CTR9: variants seen among roughly 807,000 people sequenced by gnomAD.
CTR9 encodes CTR9 component of Paf1/RNA polymerase II complex.
CTR9 carries 41 observed loss-of-function variants against 152.1 expected under a neutral mutation model. The ratio of observed to expected loss-of-function variants is 0.27; its 90% CI spans 0.21 to 0.35. The LOEUF is 0.35. Among genes scored for constraint, CTR9 ranks in the 10% least tolerant of loss-of-function variants. The pLI is 1.00. For synonymous variants in CTR9, 476 were observed against 496.2 expected (o/e 0.96, Z 0.54); for missense variants, 917 against 1,424.4 (o/e 0.64, Z 5.73).
chr11:10,758,359 G>T (rs1862919986), intron 5 of CTR9, among the ~76,000 whole-genome samples: 1 of 152,120 alleles, frequency 6.6e-6, no homozygotes, highest in South Asian at 2.1e-4. Context: ...CAGGTCAGAG[G>T]TGATTGTGGC....
chr11:10,768,101 G>T lies in CTR9; in HGVS notation c.1900G>T (p.Ala634Ser). The change falls in exon 15 of 25, where the codon GCC becomes TCC. Residue 634 changes from alanine to serine, a missense_variant. Ala to Ser is a moderately conservative substitution (Grantham distance 99). Coordinates refer to ENST00000361367, the MANE Select transcript of CTR9 (RefSeq NM_014633.5). ...AAAGCGTCATCAAGATCGTGCTCTG[G>T]CCATCTACAAACAAGTACTCAGAAA... ...KEKRHQDRAL[A>S]IYKQVLRNDA... 6.2e-7 allele frequency: 1 copy of T among 1,613,962 alleles called. No individual in the cohort carries two copies.
chr11:10,766,224 T>A (rs948422955), intron 12 of CTR9, 178 bp from the exon 13 acceptor site: 2 of 590,174 alleles, frequency 3.4e-6, no homozygotes, highest in African/African-American at 3.8e-5. Flanking sequence ...GTCTAGATGG[T>A]GACAAAATTA....
At chr11:10,775,966 C>T (rs968836614) in intron 24 of CTR9, among the ~76,000 whole-genome samples, 3 of 152,186 alleles carry the variant, frequency 2.0e-5, no homozygotes, top group Admixed American at 2.0e-4. Context: ...TAGATGACAT[C>T]CTTCTAAATG....
Position 10,755,659 on chromosome 11 carries a change from A to T in CTR9, c.385-19A>T. The T allele has an allele frequency of 6.6e-7, 1 of 1,511,688 alleles. No homozygotes were observed. The allele number at this position is 1,511,688 out of a possible 1,614,324, so 93.6% of individuals were successfully genotyped here. A position where few individuals can be genotyped will look rare whatever the true frequency, so the allele number is the denominator to read the frequency against. ...ATGGTATATAGGGGTAAAATCTAAG[A>T]TAATACATTACTTCATAGAACCATT... is the stretch of plus-strand genomic sequence containing the variant. On this transcript the variant is annotated intron_variant, in intron 3 of 24. Transcript: ENST00000361367.
At chr11:10,766,081 G>A (rs1863055129) in intron 12 of CTR9, among the ~76,000 whole-genome samples, 1 of 152,182 alleles carries the variant, frequency 6.6e-6, no homozygotes, top group South Asian at 2.1e-4. Context: ...TGACAATGGT[G>A]TGCATTGGAG....
At chr11:10,752,177 C>G (rs750414234) in intron 1 of CTR9, among the ~76,000 whole-genome samples, 1 of 152,204 alleles carries the variant, frequency 6.6e-6, no homozygotes, top group Non-Finnish European at 1.5e-5. Flanking sequence ...GTCATTACCT[C>G]TAATTCCAGG....
intron 9 of CTR9, 41 bp downstream of exon 9, chr11:10,763,920 T>G: frequency 6.7e-7 from 1 of 1,494,462 alleles, no homozygotes; most frequent in South Asian, 1.2e-5. Context: ...TTCTGTTAGC[T>G]GTCCCAAAAC....
chr11:10,778,984 C>T lies in CTR9; in HGVS notation c.3401C>T (p.Ser1134Leu), dbSNP rs747898514. 25 of 1,613,948 alleles carry T rather than the reference C, an allele frequency of 1.5e-5. No individual in the cohort carries two copies. Among genetic ancestry groups the T allele is most frequent in the Middle Eastern group, 1.6e-4 (1 of 6,084 alleles). Reference protein sequence around the residue: ...ASPSAESDHESERGSDNEGSG... With the variant: ...ASPSAESDHELERGSDNEGSG... ...CCAAGTGCCGAATCAGATCACGAATCGGAGAGAGGATCTGATAATGAGGGT... is the reference window on the plus strand; with the variant it reads ...CCAAGTGCCGAATCAGATCACGAATTGGAGAGAGGATCTGATAATGAGGGT... The change falls in exon 25 of 25, where the codon TCG (serine) becomes TTG (leucine). Residue 1134 changes from serine to leucine, a missense_variant. Ser to Leu is a moderately radical substitution (Grantham distance 145, BLOSUM62 -2). This residue lies in a region of CTR9 where 384 missense variants were observed against 398.4 expected (regional missense o/e 0.96). Coordinates refer to ENST00000361367, the MANE Select transcript of CTR9 (RefSeq NM_014633.5).
rs1863081800 is a variant in CTR9, at chr11:10,767,731, A to G, written c.1687-75A>G. The G allele has an allele frequency of 2.4e-6, 3 of 1,246,700 alleles. No individual in the cohort carries two copies. The highest frequency in any genetic ancestry group is 1.9e-5 in the Admixed American group (1 of 53,396). 77.2% of individuals were successfully genotyped at this position (1,246,700 alleles called of 1,614,324 possible). A position where few individuals can be genotyped will look rare whatever the true frequency, so the allele number is the denominator to read the frequency against. On this transcript the variant is annotated intron_variant, in intron 13 of 24. Transcript: ENST00000361367. This position sits in a 1 kb window ranked among gnomAD's most constrained non-coding sequence, Gnocchi z 4.0. ...TAGTTTGTAAACCTCTTCAGTAATCAGCTATTGTGGGAAGATGATTGATCT... is the reference window on the plus strand; with the variant it reads ...TAGTTTGTAAACCTCTTCAGTAATCGGCTATTGTGGGAAGATGATTGATCT...
chr11:10,766,851 T>G (rs1863067963), intron 13 of CTR9, among the ~76,000 whole-genome samples: 1 of 152,180 alleles, frequency 6.6e-6, no homozygotes, highest in Admixed American at 6.5e-5. Context: ...TAGCATAGTA[T>G]CTTAGGATTT....
chr11:10,751,306 G>T lies in CTR9; in HGVS notation c.-107G>T. 8.1e-7 allele frequency: 1 copy of T among 1,235,258 alleles called. No homozygotes were observed. The highest frequency in any genetic ancestry group is 1.2e-6 in the Non-Finnish European group (1 of 848,872). 76.5% of individuals were successfully genotyped at this position (1,235,258 alleles called of 1,614,324 possible). On this transcript the variant is annotated 5_prime_UTR_variant, in exon 1 of 25. Transcript: ENST00000361367. ...GCTCCAGCGGCGCCGCGGGGCGGCAGTCAAGACCAGAGCCGGAGCCGTCAC... is the reference window on the plus strand; with the variant it reads ...GCTCCAGCGGCGCCGCGGGGCGGCATTCAAGACCAGAGCCGGAGCCGTCAC...
rs1312139807 is a variant in CTR9, at chr11:10,751,346, G to T, written c.-67G>T. On this transcript the variant is annotated 5_prime_UTR_variant, in exon 1 of 25. Transcript: ENST00000361367. ...GGAGCCGTCACTCACCTCTGGATTA[G>T]CCTGAAGCGGAGACTACCGGCTGCG... 5 of 1,558,094 alleles carry T rather than the reference G, an allele frequency of 3.2e-6. No individual in the cohort carries two copies. The highest frequency in any genetic ancestry group is 1.7e-5 in the Admixed American group (1 of 59,948).
At chr11:10,774,547 T>C (rs1310060411) in intron 22 of CTR9, among the ~76,000 whole-genome samples, 1 of 152,226 alleles carries the variant, frequency 6.6e-6, no homozygotes, top group Non-Finnish European at 1.5e-5. Context: ...GTAACAGCAA[T>C]GCCTACCTCA....
Position 10,753,572 on chromosome 11 carries a change from C to T in CTR9, c.144+802C>T, listed in dbSNP as rs553683522. 3.3e-5 allele frequency among the ~76,000 whole-genome samples: 5 copies of T among 151,982 alleles called. No homozygotes were observed. The South Asian group carries it at 1.0e-3, about 31-fold the overall frequency. ...ATTTACAGAGAAGTATTTTCAGTGA[C>T]AAGCAGTGCCTTCTTGACTTGAAGT... On this transcript the variant is annotated intron_variant, in intron 2 of 24. Coordinates refer to ENST00000361367, the MANE Select transcript of CTR9 (RefSeq NM_014633.5).
chr11:10,751,794 T>G (rs961766092), intron 1 of CTR9, among the ~76,000 whole-genome samples: 5 of 152,152 alleles, frequency 3.3e-5, no homozygotes, highest in Non-Finnish European at 7.3e-5. Flanking sequence ...CCTCGCAGAT[T>G]ACAGAGGTGG....
intron 19 of CTR9, 154 bp from the exon 20 acceptor site, chr11:10,772,366 A>C (rs1241921299): frequency 1.7e-6 from 1 of 605,620 alleles, no homozygotes; most frequent in Admixed American, 4.4e-5. Context: ...TAAACAAAAA[A>C]GGAAGAAAAA....
chr11:10,772,066 T>A lies in CTR9; in HGVS notation c.2444+450T>A, dbSNP rs541476629. Reference sequence around the variant, plus strand: ...GGCAAGTGTAATGCAAAAAAAAAAATTTTTTTTGGCTGGGCGCAGTGGCTC... The same window carrying A: ...GGCAAGTGTAATGCAAAAAAAAAAAATTTTTTTGGCTGGGCGCAGTGGCTC... On this transcript the variant is annotated intron_variant, in intron 19 of 24. Coordinates refer to ENST00000361367, the MANE Select transcript of CTR9 (RefSeq NM_014633.5). 2.9e-4 allele frequency among the ~76,000 whole-genome samples: 43 copies of A among 149,974 alleles called. 1 individual carries two copies. Among genetic ancestry groups the A allele is most frequent in the Middle Eastern group, 6.9e-3 (2 of 288 alleles).
rs945463998 is a variant in CTR9, at chr11:10,779,126, T to C, written c.*21T>C. Reference sequence around the variant, plus strand: ...ACTAGGTTTTATTTCATCAATAAGCTTCATCTCTGGAGGAAACTTTTTTAA... The same window carrying C: ...ACTAGGTTTTATTTCATCAATAAGCCTCATCTCTGGAGGAAACTTTTTTAA... On this transcript the variant is annotated 3_prime_UTR_variant, in exon 25 of 25. Coordinates refer to ENST00000361367, the MANE Select transcript of CTR9 (RefSeq NM_014633.5). 2 of 1,566,710 alleles carry C rather than the reference T, an allele frequency of 1.3e-6. No individual in the cohort carries two copies. The highest frequency in any genetic ancestry group is 1.2e-5 in the South Asian group (1 of 85,500).
At chr11:10,752,213 C>G (rs924784187) in intron 1 of CTR9, among the ~76,000 whole-genome samples, 1 of 151,998 alleles carries the variant, frequency 6.6e-6, no homozygotes, top group African/African-American at 2.4e-5. Context: ...TATTTTTGTG[C>G]TTACAGTCAG....
Sources: allele counts gnomAD v4.1 joint callset (sites outside exome capture counted in the v4.1 genomes callset), GRCh38; gene constraint gnomAD v4.1.1; regional missense constraint gnomAD v4.1.1; non-coding constraint Gnocchi (gnomAD v3.1); transcripts MANE v1.5; gene names NCBI Gene and HGNC (gene_info 2026-07-23, HGNC 2026-07-21).